Variants in SH3GL2 observed in about 807,000 individuals in gnomAD.
The protein encoded by SH3GL2 is SH3 domain containing GRB2 like 2, endophilin A1.
Under a neutral mutation model 46.0 loss-of-function variants are expected in SH3GL2, and 24 were observed. That is an observed-to-expected ratio of 0.52 (90% confidence interval 0.38 to 0.73). SH3GL2 has a LOEUF of 0.73. Among genes scored for constraint, SH3GL2 ranks in the 30% least tolerant of loss-of-function variants. The pLI is 0.00. For synonymous variants in SH3GL2, 196 were observed against 147.1 expected, an observed-to-expected ratio of 1.33 and a Z score of -2.40; for missense variants, 413 against 424.2, an observed-to-expected ratio of 0.97 and a Z score of 0.23.
At position 17,795,543 on chromosome 9, in the gene SH3GL2, G is replaced by C. The variant is rs1273095057; in HGVS notation, c.860-1G>C. 3 of 1,612,788 alleles carry C rather than the reference G, an allele frequency of 1.9e-6. No individual in the cohort carries two copies. The highest frequency in any genetic ancestry group is 2.5e-6 in the Non-Finnish European group (3 of 1,179,046). On this transcript the variant is annotated splice_acceptor_variant, in intron 8 of 8. Transcript: ENST00000380607. LOFTEE classifies it high-confidence loss of function. ...CTCTTCTCTCCTGCTCTTACTCCCA[G>C]GTGTCCAAATGGATCAGCCCTGCTG...
chr9:17,781,799 A>G (rs920702538), intron 3 of SH3GL2, among the ~76,000 whole-genome samples: 3 of 151,742 alleles, frequency 2.0e-5, no homozygotes, highest in African/African-American at 7.3e-5. Flanking sequence ...TTTACGGTTC[A>G]CTCTTTCAGA....
intron 1 of SH3GL2, among the ~76,000 whole-genome samples, chr9:17,655,769 T>A (rs552446979): frequency 1.4e-3 from 206 of 152,332 alleles, no homozygotes; most frequent in African/African-American, 4.6e-3. Context: ...TTTGAACATG[T>A]CTGATCCATG....
intron 1 of SH3GL2, among the ~76,000 whole-genome samples, chr9:17,711,029 C>T (rs893235469): frequency 6.6e-6 from 1 of 151,864 alleles, no homozygotes; most frequent in Non-Finnish European, 1.5e-5. Context: ...CTGTGGGTAA[C>T]TGAAACCATG....
chr9:17,706,484 C>T (rs1821476099), intron 1 of SH3GL2, among the ~76,000 whole-genome samples: 1 of 152,060 alleles, frequency 6.6e-6, no homozygotes, highest in South Asian at 2.1e-4. Flanking sequence ...AATTGCTCTT[C>T]CTAAAGAAAT....
chr9:17,622,984 T>TCCTTTCCTTTC lies in SH3GL2; in HGVS notation c.45+43698_45+43699insCTTTCCTTTCC, dbSNP rs1186758217. On this transcript the variant is annotated intron_variant, in intron 1 of 8. Coordinates refer to ENST00000380607, the MANE Select transcript of SH3GL2 (RefSeq NM_003026.5). Reference sequence around the variant, plus strand: ...CCCTCCCTTTTCCTTTCGTTTCCTTTCGTTTCCTTTCCTTTCCTTTCCTTT... The same window carrying TCCTTTCCTTTC: ...CCCTCCCTTTTCCTTTCGTTTCCTTTCCTTTCCTTTCCGTTTCCTTTCCTTTCCTTTCCTTT... Among the ~76,000 whole-genome samples, 126 of 75,720 alleles carry TCCTTTCCTTTC rather than the reference T, an allele frequency of 1.7e-3. 2 individuals are homozygous for TCCTTTCCTTTC. Among genetic ancestry groups the TCCTTTCCTTTC allele is most frequent in the South Asian group, 4.6e-3 (10 of 2,190 alleles). The allele number at this position is 75,720 out of a possible 152,430, so 49.7% of individuals were successfully genotyped here.
chr9:17,582,097 C>T (rs1444726475), intron 1 of SH3GL2, among the ~76,000 whole-genome samples: 2 of 152,164 alleles, frequency 1.3e-5, no homozygotes, highest in African/African-American at 4.8e-5. Flanking sequence ...ATTGTTTGTA[C>T]TTGGAATTTC....
rs867989336 is a variant in SH3GL2 at position 17,614,923 on chromosome 9, C to T, written c.45+35636C>T. ...CTCAAGTTTCCCCACACCCAAAAGGCTCCGCGACAGCATTTCCAGGTATAG... is the reference window on the plus strand; with the variant it reads ...CTCAAGTTTCCCCACACCCAAAAGGTTCCGCGACAGCATTTCCAGGTATAG... On this transcript the variant is annotated intron_variant, in intron 1 of 8. Transcript: ENST00000380607. Among the ~76,000 whole-genome samples the T allele has an allele frequency of 2.6e-5, 4 of 152,186 alleles. No homozygotes were observed. In the South Asian group the frequency reaches 8.3e-4, roughly 31 times the overall value.
At chr9:17,618,437 C>A (rs773148597) in intron 1 of SH3GL2, among the ~76,000 whole-genome samples, 1 of 152,142 alleles carries the variant, frequency 6.6e-6, no homozygotes. Context: ...GAGGTGCCAC[C>A]ATGGTGCCAG....
At chr9:17,764,484 C>T (rs899274507) in intron 3 of SH3GL2, among the ~76,000 whole-genome samples, 9 of 152,206 alleles carry the variant, frequency 5.9e-5, no homozygotes, top group Non-Finnish European at 1.2e-4. Flanking sequence ...CTCAGCCTTT[C>T]AGTGAACCCT....
chr9:17,586,996 G>A (rs1381211594), intron 1 of SH3GL2, among the ~76,000 whole-genome samples: 1 of 152,168 alleles, frequency 6.6e-6, no homozygotes, highest in Non-Finnish European at 1.5e-5. Context: ...CACTTGAGGA[G>A]TTTGAGACCA....
rs1536068 is a variant in SH3GL2, at chr9:17,795,942, G to T, written c.*199G>T. ...ATGATATCCTCTTAGCCTGGTGGGC[G>T]TGGCATGTGCTTTTTAAAACATCAT... On this transcript the variant is annotated 3_prime_UTR_variant, in exon 9 of 9. Coordinates refer to ENST00000380607, the MANE Select transcript of SH3GL2 (RefSeq NM_003026.5). The T allele has an allele frequency of 3.6e-6, 2 of 560,016 alleles. No homozygotes were observed. The highest frequency in any genetic ancestry group is 3.0e-5 in the Admixed American group (1 of 32,902). 34.7% of individuals were successfully genotyped at this position (560,016 alleles called of 1,614,324 possible).
intron 6 of SH3GL2, 79 bp from the exon 7 acceptor site, chr9:17,791,152 G>A (rs1341328988): frequency 1.6e-5 from 16 of 982,970 alleles, no homozygotes; most frequent in Middle Eastern, 2.1e-4. Context: ...GGCAGCCCTG[G>A]TGTATGTATG....
chr9:17,773,463 A>T (rs1588322680), intron 3 of SH3GL2, among the ~76,000 whole-genome samples: 1 of 152,242 alleles, frequency 6.6e-6, no homozygotes, highest in East Asian at 1.9e-4. Context: ...TAGCTCTTTA[A>T]TGTATTTGGA....
intron 1 of SH3GL2, among the ~76,000 whole-genome samples, chr9:17,606,084 G>GGTTTGTTTGTTT (rs4007673): frequency 5.5e-5 from 8 of 145,418 alleles, no homozygotes; most frequent in African/African-American, 1.1e-4. Flanking sequence ...ACTTGCGTGA[G>GGTTTGTTTGTTT]GTTTGTTTGT....
rs146895243 is a variant in SH3GL2, at chr9:17,793,461, G to A, written c.823G>A (p.Gly275Arg). Residue 275 changes from glycine (G) to arginine (R), a missense_variant, in exon 8 of 9, where the codon GGG (glycine) becomes AGG (arginine). By Grantham distance (125) the Gly-to-Arg change is moderately radical (BLOSUM62 -2). Coordinates refer to ENST00000380607, the MANE Select transcript of SH3GL2 (RefSeq NM_003026.5). ...FPTGDSTQPN[G>R]GLSHTGTPKP... ...AACTGGAGACAGTACTCAGCCCAAT[G>A]GGGGTCTCTCCCACACAGGCACTCC... 2 of 1,612,114 alleles carry A rather than the reference G, an allele frequency of 1.2e-6. No homozygotes were observed. Among genetic ancestry groups the A allele is most frequent in the Non-Finnish European group, 1.7e-6 (2 of 1,179,422 alleles).
intron 1 of SH3GL2, among the ~76,000 whole-genome samples, chr9:17,696,772 A>G (rs1821213288): frequency 6.6e-6 from 1 of 152,212 alleles, no homozygotes; most frequent in African/African-American, 2.4e-5. Flanking sequence ...GTGGGGACAC[A>G]GCCAAACCAT....
intron 1 of SH3GL2, among the ~76,000 whole-genome samples, chr9:17,732,880 C>G (rs958615609): frequency 2.0e-5 from 3 of 152,154 alleles, no homozygotes; most frequent in African/African-American, 7.2e-5. Flanking sequence ...ATAGCCAACC[C>G]AAATAGATCC....
Position 17,615,466 on chromosome 9 carries a change from C to A in SH3GL2, c.45+36179C>A, listed in dbSNP as rs562947367. Among the ~76,000 whole-genome samples, 4 of 151,938 alleles carry A rather than the reference C, an allele frequency of 2.6e-5. No homozygotes were observed. In the South Asian group the frequency reaches 8.3e-4, roughly 32 times the overall value. ...GGCCGGGAGATTGAGACTATCCTGG[C>A]TAACACAGTGAAACCCCGTCTCTAC... On this transcript the variant is annotated intron_variant, in intron 1 of 8. Coordinates refer to ENST00000380607, the MANE Select transcript of SH3GL2 (RefSeq NM_003026.5).
intron 2 of SH3GL2, among the ~76,000 whole-genome samples, chr9:17,757,199 C>G (rs1823020856): frequency 6.6e-6 from 1 of 152,096 alleles, no homozygotes; most frequent in Non-Finnish European, 1.5e-5. Flanking sequence ...CCATAAAAAC[C>G]CTAGAAGAAA....
Sources: allele counts gnomAD v4.1 joint callset (sites outside exome capture counted in the v4.1 genomes callset), GRCh38; gene constraint gnomAD v4.1.1; transcripts MANE v1.5; gene names NCBI Gene and HGNC (gene_info 2026-07-23, HGNC 2026-07-21).